Variants in CBY1 observed in about 807,000 individuals in gnomAD.
The protein encoded by CBY1 is protein chibby homolog 1.
In CBY1, 10 loss-of-function variants were observed where a neutral mutation model predicts 15.6. That is an observed-to-expected ratio of 0.64 (90% CI 0.40 to 1.09). The LOEUF is 1.09. Ranked by LOEUF, CBY1 falls within the 50% of genes least tolerant of loss-of-function variation. The pLI is 0.01. For synonymous variants in CBY1, 61 were observed against 63.5 expected, an observed-to-expected ratio of 0.96 and a Z score of 0.19; for missense variants, 150 against 160.5, an observed-to-expected ratio of 0.93 and a Z score of 0.35.
At chr22:38,660,486 C>T (rs2092418980) in intron 1 of CBY1, among the ~76,000 whole-genome samples, 1 of 152,028 alleles carries the variant, frequency 6.6e-6, no homozygotes, top group Non-Finnish European at 1.5e-5. Flanking sequence ...TGAGCCACCA[C>T]ACCAGGCCGA....
chr22:38,668,115 C>G lies in CBY1; in HGVS notation c.61C>G (p.Leu21Val). The G allele has an allele frequency of 6.2e-7, 1 of 1,608,924 alleles. No individual in the cohort carries two copies. The highest frequency in any genetic ancestry group is 1.7e-5 in the Admixed American group (1 of 59,990). The change falls in exon 2 of 5, where the codon CTC becomes GTC. Residue 21 changes from leucine to valine, a missense_variant. Coordinates refer to ENST00000216029, the MANE Select transcript of CBY1 (RefSeq NM_015373.4). ...KKTPPRKSAS[L>V]SNLHSLDRST... Reference sequence around the variant, plus strand: ...GACACCTCCTCGGAAGTCGGCATCTCTCTCCAACCTGCATTCTGTGAGTGT... The same window carrying G: ...GACACCTCCTCGGAAGTCGGCATCTGTCTCCAACCTGCATTCTGTGAGTGT...
chr22:38,673,280 C>CTT lies in CBY1; in HGVS notation c.*52_*53dup. ...TTGGGGAGTAGGATGTGGCTGAGTGCTTTTTTTTTGGCCAGACTAGCGGAT... is the reference window on the plus strand; with the variant it reads ...TTGGGGAGTAGGATGTGGCTGAGTGCTTTTTTTTTTTGGCCAGACTAGCGGAT... On this transcript the variant is annotated 3_prime_UTR_variant, in exon 5 of 5. Transcript: ENST00000216029. 7.5e-7 allele frequency: 1 copy of CTT among 1,340,640 alleles called. No homozygotes were observed. Among genetic ancestry groups the CTT allele is most frequent in the Non-Finnish European group, 1.1e-6 (1 of 940,528 alleles). The allele number at this position is 1,340,640 out of a possible 1,614,324, so 83.0% of individuals were successfully genotyped here.
intron 1 of CBY1, among the ~76,000 whole-genome samples, chr22:38,660,446 C>T (rs1402541354): frequency 2.0e-5 from 3 of 151,994 alleles, no homozygotes; most frequent in Non-Finnish European, 4.4e-5. Flanking sequence ...CCACCTGCCT[C>T]GGCCTCCCAA....
At chr22:38,663,793 G>A (rs1009600030) in intron 1 of CBY1, among the ~76,000 whole-genome samples, 5 of 151,744 alleles carry the variant, frequency 3.3e-5, no homozygotes, top group Non-Finnish European at 5.9e-5. Flanking sequence ...AGGCGGAGGT[G>A]GGTGGATCAC....
At position 38,673,203 on chromosome 22, in the gene CBY1, G is replaced by A; in HGVS notation, c.348G>A (p.Leu116=). The A allele has an allele frequency of 6.2e-7, 1 of 1,612,840 alleles. No individual in the cohort carries two copies. Among genetic ancestry groups the A allele is most frequent in the Non-Finnish European group, 8.5e-7 (1 of 1,178,874 alleles). ...TAESHLMEKE[L]DELRISRKRK is the part of the protein sequence containing the mutation. ...AATCCCACTTAATGGAGAAGGAACT[G>A]GATGAACTGAGGATCAGCCGGAAGA... Residue 116 remains leucine (L), a synonymous_variant, in exon 5 of 5, where the codon CTG becomes CTA. Coordinates refer to ENST00000216029, the MANE Select transcript of CBY1 (RefSeq NM_015373.4).
chr22:38,673,492 C>A lies in CBY1; in HGVS notation c.*256C>A. 5.1e-6 allele frequency: 2 copies of A among 392,378 alleles called. No homozygotes were observed. The highest frequency in any genetic ancestry group is 2.5e-5 in the South Asian group (1 of 39,426). The allele number at this position is 392,378 out of a possible 1,614,324, so 24.3% of individuals were successfully genotyped here. Reference sequence around the variant, plus strand: ...CAGACCGCACAGAGGCCTGGGGCTGCTGATGAGCTTTTTGGTGCTCTCCAC... The same window carrying A: ...CAGACCGCACAGAGGCCTGGGGCTGATGATGAGCTTTTTGGTGCTCTCCAC... On this transcript the variant is annotated 3_prime_UTR_variant, in exon 5 of 5. Transcript: ENST00000216029.
intron 1 of CBY1, 141 bp from the exon 2 acceptor site, chr22:38,667,876 T>G: frequency 1.3e-5 from 8 of 598,666 alleles, no homozygotes; most frequent in Admixed American, 2.9e-5. Context: ...AATTTCAACA[T>G]GAGTTTTGGT....
At chr22:38,668,301 CG>C in intron 2 of CBY1, 169 bp downstream of exon 2, 1 of 553,482 alleles carries the variant, frequency 1.8e-6, no homozygotes, top group African/African-American at 1.9e-5. Context: ...TGGGAATGAT[CG>C]TCAGAGCTTG....
chr22:38,664,030 AAAAG>A (rs1246415238), intron 1 of CBY1, among the ~76,000 whole-genome samples: 3 of 151,866 alleles, frequency 2.0e-5, no homozygotes, highest in African/African-American at 7.3e-5. Context: ...TCAAAAAAAA[AAAAG>A]AAGGAGAAAG....
intron 1 of CBY1, among the ~76,000 whole-genome samples, chr22:38,667,116 T>C (rs1337668386): frequency 1.3e-5 from 2 of 151,862 alleles, no homozygotes; most frequent in Non-Finnish European, 2.9e-5. Flanking sequence ...GTTCAAGTGA[T>C]CCTCCCACCT....
chr22:38,661,552 T>C (rs2092422445), intron 1 of CBY1, among the ~76,000 whole-genome samples: 1 of 152,238 alleles, frequency 6.6e-6, no homozygotes. Flanking sequence ...ATTTATAAAT[T>C]ACATATACAT....
chr22:38,662,148 A>G (rs190955649), intron 1 of CBY1, among the ~76,000 whole-genome samples: 1 of 152,176 alleles, frequency 6.6e-6, no homozygotes, highest in Admixed American at 6.5e-5. Context: ...CAAAAGACAC[A>G]AAAATTAGCT....
chr22:38,659,062 A>C (rs1603112460), intron 1 of CBY1, among the ~76,000 whole-genome samples: 1 of 151,808 alleles, frequency 6.6e-6, no homozygotes, highest in East Asian at 1.9e-4. Flanking sequence ...CAGCCTCCTG[A>C]GTAGCTGAGA....
In CBY1 at chr22:38,671,375, C is replaced by T. The variant is rs3747171; in HGVS notation, c.303+187C>T. 1.3e-3 allele frequency: 753 copies of T among 587,162 alleles called. 8 individuals are homozygous for T. In the East Asian group the frequency reaches 0.018, roughly 14 times the overall value. 36.4% of individuals were successfully genotyped at this position (587,162 alleles called of 1,614,324 possible). ...ACAGTGTAGAGGCAGGTGGACCGAC[C>T]GTAAGCATAATTACATAAGGACCCA... On this transcript the variant is annotated intron_variant, in intron 4 of 4. Coordinates refer to ENST00000216029, the MANE Select transcript of CBY1 (RefSeq NM_015373.4).
chr22:38,665,201 A>G (rs1201743121), intron 1 of CBY1, among the ~76,000 whole-genome samples: 6 of 151,980 alleles, frequency 3.9e-5, no homozygotes, highest in Non-Finnish European at 8.8e-5. Context: ...GGTGGTTCAT[A>G]CCTGTAATTC....
intron 2 of CBY1, 63 bp downstream of exon 2, chr22:38,668,195 G>A (rs1311712296): frequency 1.0e-6 from 1 of 987,940 alleles, no homozygotes; most frequent in Non-Finnish European, 1.6e-6. Flanking sequence ...GCGTGTCTCT[G>A]AATGGAAAGT....
intron 1 of CBY1, among the ~76,000 whole-genome samples, chr22:38,665,022 T>C (rs954008126): frequency 6.6e-6 from 1 of 152,130 alleles, no homozygotes; most frequent in African/African-American, 2.4e-5. Flanking sequence ...TTTTCAATTT[T>C]TTGTAGAGAT....
chr22:38,663,978 C>T (rs1490642579), intron 1 of CBY1, among the ~76,000 whole-genome samples: 16 of 149,010 alleles, frequency 1.1e-4, no homozygotes, highest in Non-Finnish European at 2.2e-4. Context: ...GCCAAGATAG[C>T]ACCACTGCAC....
intron 1 of CBY1, among the ~76,000 whole-genome samples, chr22:38,666,295 G>A (rs542944635): frequency 1.3e-5 from 2 of 150,632 alleles, no homozygotes; most frequent in South Asian, 4.2e-4. Context: ...GCCCAGGCTG[G>A]TCTTGAACTC....
Sources: gnomAD v4.1 joint callset for allele counts (sites outside exome capture counted in the v4.1 genomes callset) on GRCh38, gnomAD v4.1.1 for gene constraint, MANE v1.5 for transcripts, NCBI Gene and HGNC (gene_info 2026-07-23, HGNC 2026-07-21) for gene names.